Variants in KCNC1 observed in about 807,000 individuals in gnomAD.
KCNC1 encodes potassium voltage-gated channel subfamily C member 1.
In KCNC1, 8 loss-of-function variants were observed where a neutral mutation model predicts 43.4. The observed-to-expected ratio is 0.18, with a 90% CI of 0.11 to 0.33. The LOEUF (loss-of-function observed/expected upper bound fraction) is 0.33, where lower values mean the gene tolerates loss of function less well. Among genes scored for constraint, KCNC1 ranks in the 10% least tolerant of loss-of-function variants. KCNC1 has a pLI of 1.00. For missense variants in KCNC1, 420 were observed against 836.0 expected (o/e 0.50, Z 6.14); for synonymous variants, 361 against 360.5 (o/e 1.00, Z -0.01).
intron 1 of KCNC1, among the ~76,000 whole-genome samples, chr11:17,741,371 A>G (rs1848839733): frequency 6.6e-6 from 1 of 152,016 alleles, no homozygotes; most frequent in African/African-American, 2.4e-5. Context: ...GCCCCGAACC[A>G]CAGGGCCTGG....
At chr11:17,745,448 C>A (rs1044056801) in intron 1 of KCNC1, among the ~76,000 whole-genome samples, 2 of 151,994 alleles carry the variant, frequency 1.3e-5, no homozygotes, top group Non-Finnish European at 2.9e-5. Context: ...CCACAGCTAC[C>A]CCCCCGTGGA....
intron 1 of KCNC1, among the ~76,000 whole-genome samples, chr11:17,755,729 A>C (rs955430380): frequency 2.0e-5 from 3 of 152,166 alleles, no homozygotes; most frequent in Non-Finnish European, 4.4e-5. Context: ...AGTTTGAAAG[A>C]GCTGGTAGAA....
chr11:17,741,515 C>T (rs1322883760), intron 1 of KCNC1, among the ~76,000 whole-genome samples: 9 of 152,284 alleles, frequency 5.9e-5, no homozygotes, highest in Admixed American at 3.3e-4. Flanking sequence ...CACCATGGTT[C>T]CCCTCAGGCT....
At chr11:17,748,422 G>A (rs1048878275) in intron 1 of KCNC1, among the ~76,000 whole-genome samples, 4 of 152,068 alleles carry the variant, frequency 2.6e-5, no homozygotes, top group African/African-American at 7.2e-5. Context: ...GAAAGATGGA[G>A]GAATGTACTC....
chr11:17,775,284 C>CCA, intron 2 of KCNC1: 1 of 949,526 alleles, frequency 1.1e-6, no homozygotes, highest in Non-Finnish European at 1.3e-6. Flanking sequence ...GAGGGCATCC[C>CCA]TCCCGCCCCC....
intron 1 of KCNC1, among the ~76,000 whole-genome samples, chr11:17,745,450 C>G (rs561264082): frequency 6.6e-6 from 1 of 152,180 alleles, no homozygotes; most frequent in African/African-American, 2.4e-5. Context: ...ACAGCTACCC[C>G]CCCGTGGAAG....
chr11:17,771,879 T>C lies in KCNC1; in HGVS notation c.785T>C (p.Met262Thr), dbSNP rs1398441738. 2 of 1,614,234 alleles carry C rather than the reference T, an allele frequency of 1.2e-6. No homozygotes were observed. Among genetic ancestry groups the C allele is most frequent in the Non-Finnish European group, 8.5e-7 (1 of 1,180,028 alleles). ...GTCTGGTTCACCTTCGAGTTCCTCATGCGTGTCATCTTCTGCCCCAACAAG... is the reference window on the plus strand; with the variant it reads ...GTCTGGTTCACCTTCGAGTTCCTCACGCGTGTCATCTTCTGCCCCAACAAG... ...CVVWFTFEFLMRVIFCPNKVE... is the reference protein window; with the variant it reads ...CVVWFTFEFLTRVIFCPNKVE... The change falls in exon 2 of 4, where the codon ATG becomes ACG. Residue 262 changes from methionine to threonine, a missense_variant. Met to Thr is a moderately conservative substitution (Grantham distance 81). Around this residue, in one of 5 missense-constraint regions of KCNC1, gnomAD observed 151 missense variants for 216.7 expected, o/e 0.70. Transcript: ENST00000265969. This position sits in a 1 kb window ranked among gnomAD's most constrained non-coding sequence, Gnocchi z 4.7.
Position 17,736,528 on chromosome 11 carries a change from A to T in KCNC1, c.526A>T (p.Ile176Phe), listed in dbSNP as rs745890467. 6.3e-7 allele frequency: 1 copy of T among 1,582,158 alleles called. No homozygotes were observed. The highest frequency in any genetic ancestry group is 1.4e-5 in the African/African-American group (1 of 73,936). Residue 176 changes from isoleucine (I) to phenylalanine (F), a missense_variant, in exon 1 of 4, where the codon ATC (isoleucine) becomes TTC (phenylalanine). Coordinates refer to ENST00000265969, the MANE Select transcript of KCNC1 (RefSeq NM_001112741.2). The surrounding 1 kb of genome is among the most constrained non-coding windows in gnomAD (Gnocchi z 9.3). ...GGFWRRWQPR[I>F]WALFEDPYSS... ...CTTTTGGCGCCGCTGGCAGCCGCGCATCTGGGCGCTCTTCGAGGACCCGTA... is the reference window on the plus strand; with the variant it reads ...CTTTTGGCGCCGCTGGCAGCCGCGCTTCTGGGCGCTCTTCGAGGACCCGTA...
rs1370571967 is a variant in KCNC1, at chr11:17,763,640, C to A, written c.571-8025C>A. The stretch of plus-strand genomic sequence containing the variant: ...CATATACACACCCACACACACACAC[C>A]CCCACACCACACCACACGCAATAAC... On this transcript the variant is annotated intron_variant, in intron 1 of 3. Coordinates refer to ENST00000265969, the MANE Select transcript of KCNC1 (RefSeq NM_001112741.2). Among the ~76,000 whole-genome samples the A allele has an allele frequency of 2.3e-4, 26 of 114,634 alleles. 1 individual carries two copies. Among genetic ancestry groups the A allele is most frequent in the South Asian group, 9.3e-4 (3 of 3,222 alleles). The allele number at this position is 114,634 out of a possible 152,430, so 75.2% of individuals were successfully genotyped here.
rs2133811637 is a variant in KCNC1 at position 17,781,693 on chromosome 11, A to G, written c.1717A>G (p.Ile573Val). 6.4e-7 allele frequency: 1 copy of G among 1,551,412 alleles called. No homozygotes were observed. The highest frequency in any genetic ancestry group is 2.4e-5 in the East Asian group (1 of 40,928). Residue 573 changes from isoleucine to valine, a missense_variant, in exon 4 of 4, where the codon ATT becomes GTT. By Grantham distance (29) the Ile-to-Val change is conservative. Around this residue, in one of 5 missense-constraint regions of KCNC1, gnomAD observed 147 missense variants for 176.1 expected, o/e 0.83. Coordinates refer to ENST00000265969, the MANE Select transcript of KCNC1 (RefSeq NM_001112741.2). The surrounding 1 kb of genome is among the most constrained non-coding windows in gnomAD (Gnocchi z 5.1). ...RKDLCKESPVIAKYMPTEAVR... is the reference protein window; with the variant it reads ...RKDLCKESPVVAKYMPTEAVR... Reference sequence around the variant, plus strand: ...AGATCTTTGCAAAGAAAGCCCTGTCATTGCTAAGTATATGCCGACAGAGGC... The same window carrying G: ...AGATCTTTGCAAAGAAAGCCCTGTCGTTGCTAAGTATATGCCGACAGAGGC...
At chr11:17,766,941 G>A (rs980250057) in intron 1 of KCNC1, among the ~76,000 whole-genome samples, 14 of 134,810 alleles carry the variant, frequency 1.0e-4, no homozygotes, top group African/African-American at 1.7e-4. Context: ...CCAACATGGC[G>A]AAACCCCATC....
At chr11:17,772,738 G>A in intron 2 of KCNC1, 140 bp downstream of exon 2, 3 of 1,497,864 alleles carry the variant, frequency 2.0e-6, no homozygotes, top group Non-Finnish European at 2.7e-6. Context: ...TGTGGAGCCT[G>A]GGGGCCCAGG....
Position 17,736,375 on chromosome 11 carries a change from G to C in KCNC1, c.373G>C (p.Ala125Pro). ...GGAGGCTCTGGACAGCTTCGGCGGCGCTCCTCTGGACAACAGCGCCGACGA... is the reference window on the plus strand; with the variant it reads ...GGAGGCTCTGGACAGCTTCGGCGGCCCTCCTCTGGACAACAGCGCCGACGA... ...AEEALDSFGG[A>P]PLDNSADDAD... Residue 125 changes from alanine to proline, a missense_variant, in exon 1 of 4, where the codon GCT becomes CCT. Transcript: ENST00000265969. The surrounding 1 kb of genome is among the most constrained non-coding windows in gnomAD (Gnocchi z 9.3). The C allele has an allele frequency of 1.2e-6, 2 of 1,611,746 alleles. No individual in the cohort carries two copies. The highest frequency in any genetic ancestry group is 1.7e-6 in the Non-Finnish European group (2 of 1,179,408).
rs1849227740 is a variant in KCNC1, at chr11:17,771,499, A to T, written c.571-166A>T. On this transcript the variant is annotated intron_variant, in intron 1 of 3. Transcript: ENST00000265969. The surrounding 1 kb of genome is among the most constrained non-coding windows in gnomAD (Gnocchi z 4.7). ...TAGGAGGGTTTTAGAGCCTGCCCTG[A>T]CGGTCGTGCAGGCCCCCTGTGCCCT... Among the ~76,000 whole-genome samples the T allele has an allele frequency of 6.6e-6, 1 of 151,968 alleles. No homozygotes were observed. The highest frequency in any genetic ancestry group is 1.5e-5 in the Non-Finnish European group (1 of 68,002).
At chr11:17,780,518 C>G (rs1235815988) in intron 3 of KCNC1, 1 of 152,348 alleles carries the variant, frequency 6.6e-6, no homozygotes, top group East Asian at 1.9e-4. Flanking sequence ...CAGAGGGCAC[C>G]TTTCTTGGTG....
rs1330514361 is a variant in KCNC1, at chr11:17,771,916, C to A, written c.822C>A (p.Ile274=). ...TCTGCCCCAACAAGGTAGAGTTCATCAAGAACTCGCTCAACATCATTGACT... is the reference window on the plus strand; with the variant it reads ...TCTGCCCCAACAAGGTAGAGTTCATAAAGAACTCGCTCAACATCATTGACT... ...VIFCPNKVEF[I]KNSLNIIDFV... The change falls in exon 2 of 4, where the codon ATC becomes ATA. Residue 274 remains isoleucine (I), a synonymous_variant. Coordinates refer to ENST00000265969, the MANE Select transcript of KCNC1 (RefSeq NM_001112741.2). The surrounding 1 kb of genome is among the most constrained non-coding windows in gnomAD (Gnocchi z 4.7). The A allele has an allele frequency of 1.9e-6, 3 of 1,614,102 alleles. No individual in the cohort carries two copies. In the African/African-American group the frequency reaches 4.0e-5, roughly 22 times the overall value.
rs1366202504 is a variant in KCNC1 at position 17,771,648 on chromosome 11, T to A, written c.571-17T>A. 1 of 1,591,392 alleles carries A rather than the reference T, an allele frequency of 6.3e-7. No homozygotes were observed. Among genetic ancestry groups the A allele is most frequent in the Non-Finnish European group, 8.6e-7 (1 of 1,163,940 alleles). ...CTGGGTGGGCCTCCCTCTGACACTGTGTCTTTATCCCCACAGTATGTGGCC... is the reference window on the plus strand; with the variant it reads ...CTGGGTGGGCCTCCCTCTGACACTGAGTCTTTATCCCCACAGTATGTGGCC... On this transcript the variant is annotated splice_polypyrimidine_tract_variant and intron_variant, in intron 1 of 3. Transcript: ENST00000265969. This position sits in a 1 kb window ranked among gnomAD's most constrained non-coding sequence, Gnocchi z 4.7.
In KCNC1 at chr11:17,777,870, G is replaced by T. The variant is rs924190304; in HGVS notation, c.1505-1586G>T. 1.0e-6 allele frequency: 1 copy of T among 986,092 alleles called. No individual in the cohort carries two copies. The highest frequency in any genetic ancestry group is 1.2e-6 in the Non-Finnish European group (1 of 829,924). The allele number at this position is 986,092 out of a possible 1,614,324, so 61.1% of individuals were successfully genotyped here. ...GTAGTGACATGATGTGTACACGGGCGGTAATCCCACCCACGTGCACGCCCA... is the reference window on the plus strand; with the variant it reads ...GTAGTGACATGATGTGTACACGGGCTGTAATCCCACCCACGTGCACGCCCA... On this transcript the variant is annotated intron_variant, in intron 2 of 3. Transcript: ENST00000265969. The surrounding 1 kb of genome is among the most constrained non-coding windows in gnomAD (Gnocchi z 4.3).
In KCNC1 at chr11:17,776,050, C is replaced by G. The variant is rs993741147; in HGVS notation, c.1505-3406C>G. ...GGCTAAGAGAGTTTCTGCAGGGACC[C>G]AGCTGCAGGGTCAGCAGCCTGTGGG... On this transcript the variant is annotated intron_variant, in intron 2 of 3. Transcript: ENST00000265969. This position sits in a 1 kb window ranked among gnomAD's most constrained non-coding sequence, Gnocchi z 4.4. 3 of 985,182 alleles carry G rather than the reference C, an allele frequency of 3.0e-6. No individual in the cohort carries two copies. Among genetic ancestry groups the G allele is most frequent in the Non-Finnish European group, 3.6e-6 (3 of 829,902 alleles). 61.0% of individuals were successfully genotyped at this position (985,182 alleles called of 1,614,324 possible).
Sources: gnomAD v4.1 joint callset for allele counts (sites outside exome capture counted in the v4.1 genomes callset) on GRCh38, gnomAD v4.1.1 for gene constraint, gnomAD v4.1.1 regional missense constraint, Gnocchi (gnomAD v3.1) non-coding constraint, MANE v1.5 for transcripts, NCBI Gene and HGNC (gene_info 2026-07-23, HGNC 2026-07-21) for gene names.